PELI2: variants seen among roughly 807,000 people sequenced by gnomAD.
The protein encoded by PELI2 is E3 ubiquitin-protein ligase pellino homolog 2.
In PELI2, 23 loss-of-function variants were observed where a neutral mutation model predicts 42.3. The observed-to-expected ratio is 0.54, with a 90% CI of 0.39 to 0.77. The LOEUF (loss-of-function observed/expected upper bound fraction) is 0.77. Ranked by LOEUF, PELI2 falls within the 30% of genes least tolerant of loss-of-function variation. The probability of loss-of-function intolerance (pLI) is 0.00; values close to 1 mark genes in which losing one functional copy is unlikely to be tolerated. For synonymous variants in PELI2, 245 were observed against 212.2 expected (o/e 1.15, Z -1.34); for missense variants, 463 against 553.2 (o/e 0.84, Z 1.64).
intron 1 of PELI2, among the ~76,000 whole-genome samples, chr14:56,140,996 C>T (rs1031456786): frequency 6.6e-6 from 1 of 152,060 alleles, no homozygotes; most frequent in African/African-American, 2.4e-5. Context: ...GTTTAGTTGT[C>T]CTGTCTGCTG....
chr14:56,246,500 T>C (rs1467839980), intron 2 of PELI2, among the ~76,000 whole-genome samples: 1 of 152,226 alleles, frequency 6.6e-6, no homozygotes, highest in Non-Finnish European at 1.5e-5. Context: ...CCTTCTCCTT[T>C]CTGGCCTCTC....
chr14:56,118,856 C>T, intron 1 of PELI2, 119 bp downstream of exon 1: 2 of 570,034 alleles, frequency 3.5e-6, no homozygotes, highest in Non-Finnish European at 5.4e-6. Context: ...CTCGGGGCGG[C>T]AGGAGAGGCT....
intron 2 of PELI2, among the ~76,000 whole-genome samples, chr14:56,198,413 G>A (rs548499084): frequency 6.6e-5 from 10 of 152,218 alleles, no homozygotes; most frequent in South Asian, 2.1e-4. Flanking sequence ...CCCAGAGAGC[G>A]TGGCATCATG....
chr14:56,242,039 CT>C (rs937224505), intron 2 of PELI2, among the ~76,000 whole-genome samples: 11 of 152,160 alleles, frequency 7.2e-5, no homozygotes, highest in African/African-American at 2.7e-4. Flanking sequence ...CTGTAATGGC[CT>C]AGCAATCAGC....
chr14:56,253,964 C>A (rs1357145846), intron 2 of PELI2, among the ~76,000 whole-genome samples: 1 of 152,176 alleles, frequency 6.6e-6, no homozygotes, highest in Non-Finnish European at 1.5e-5. Context: ...GCTACAATAA[C>A]CAAGACAGGA....
chr14:56,216,515 G>T (rs1306218272), intron 2 of PELI2, among the ~76,000 whole-genome samples: 2 of 152,242 alleles, frequency 1.3e-5, no homozygotes, highest in Non-Finnish European at 2.9e-5. Context: ...TGCAAGCACA[G>T]ACACTCCTAA....
chr14:56,207,576 G>A (rs1255578625), intron 2 of PELI2, among the ~76,000 whole-genome samples: 5 of 152,152 alleles, frequency 3.3e-5, no homozygotes. Flanking sequence ...ATAGAAATGA[G>A]ACTTACATAG....
intron 2 of PELI2, among the ~76,000 whole-genome samples, chr14:56,203,064 G>A (rs556827071): frequency 1.3e-5 from 2 of 152,230 alleles, no homozygotes; most frequent in Admixed American, 6.5e-5. Context: ...AGTAATTATT[G>A]CACAGAAATT....
chr14:56,145,193 G>T (rs967315974), intron 1 of PELI2, among the ~76,000 whole-genome samples: 5 of 152,194 alleles, frequency 3.3e-5, no homozygotes, highest in Admixed American at 3.3e-4. Flanking sequence ...TCACATGGCA[G>T]AGCAGGAGAG....
intron 2 of PELI2, among the ~76,000 whole-genome samples, chr14:56,215,026 A>G (rs890289599): frequency 8.2e-6 from 1 of 121,644 alleles, no homozygotes; most frequent in African/African-American, 2.6e-5. Flanking sequence ...ATAGTCACAC[A>G]TGTTGGTCAG....
chr14:56,212,431 A>G (rs1407103872), intron 2 of PELI2, among the ~76,000 whole-genome samples: 1 of 152,176 alleles, frequency 6.6e-6, no homozygotes, highest in African/African-American at 2.4e-5. Context: ...TGTCGTTGCC[A>G]TGTGTCTTAG....
At chr14:56,293,433 TA>T (rs528892153) in intron 5 of PELI2, among the ~76,000 whole-genome samples, 76 of 152,370 alleles carry the variant, frequency 5.0e-4, no homozygotes, top group African/African-American at 1.8e-3. Context: ...ATTGACGACG[TA>T]ACCTCTCTGT....
At chr14:56,185,994 A>G (rs1885756759) in intron 2 of PELI2, among the ~76,000 whole-genome samples, 1 of 152,028 alleles carries the variant, frequency 6.6e-6, no homozygotes, top group Non-Finnish European at 1.5e-5. Flanking sequence ...GGCAAAAGGG[A>G]TTTTGCAGGT....
chr14:56,151,300 C>T (rs776485651), intron 1 of PELI2, among the ~76,000 whole-genome samples: 10 of 151,978 alleles, frequency 6.6e-5, no homozygotes, highest in Non-Finnish European at 4.4e-5. Context: ...CATTGTTGTG[C>T]AGTTATCACC....
chr14:56,132,891 A>C (rs1369510490), intron 1 of PELI2, among the ~76,000 whole-genome samples: 1 of 152,196 alleles, frequency 6.6e-6, no homozygotes, highest in Non-Finnish European at 1.5e-5. Flanking sequence ...TGTGAACACT[A>C]ATCATTAACA....
intron 1 of PELI2, among the ~76,000 whole-genome samples, chr14:56,168,872 G>C (rs115975107): frequency 6.6e-6 from 1 of 152,044 alleles, no homozygotes; most frequent in Non-Finnish European, 1.5e-5. Flanking sequence ...GGGTTCAAGG[G>C]CTCTTCAGTT....
intron 2 of PELI2, among the ~76,000 whole-genome samples, chr14:56,198,005 CACACA>C (rs1566632251): frequency 1.1e-3 from 153 of 134,214 alleles, no homozygotes; most frequent in African/African-American, 2.4e-3. Flanking sequence ...CACACACACA[CACACA>C]CACCCACCTC....
chr14:56,121,659 C>G (rs1008313333), intron 1 of PELI2, among the ~76,000 whole-genome samples: 1 of 152,206 alleles, frequency 6.6e-6, no homozygotes, highest in African/African-American at 2.4e-5. Context: ...GAAGAACATG[C>G]ATTTACAGGT....
chr14:56,158,299 A>G (rs1436584139), intron 1 of PELI2, among the ~76,000 whole-genome samples: 2 of 152,044 alleles, frequency 1.3e-5, no homozygotes, highest in Admixed American at 6.6e-5. Flanking sequence ...AAGTGCTAGG[A>G]TTACAGGTGT....
Sources: allele counts gnomAD v4.1 joint callset (sites outside exome capture counted in the v4.1 genomes callset), GRCh38; gene constraint gnomAD v4.1.1; transcripts MANE v1.5; gene names NCBI Gene and HGNC (gene_info 2026-07-23, HGNC 2026-07-21).